The following PIK3IP1 variants were observed in gnomAD, a reference collection of about 807,000 sequenced individuals.
PIK3IP1 encodes phosphoinositide-3-kinase-interacting protein 1.
A neutral mutation model predicts 30.7 loss-of-function variants in PIK3IP1; 28 were observed. The observed-to-expected ratio is 0.91, with a 90% CI of 0.68 to 1.25. PIK3IP1 has a LOEUF of 1.25. Among genes scored for constraint, PIK3IP1 ranks in the 50% most tolerant of loss-of-function variants. The pLI, the probability that PIK3IP1 is intolerant of heterozygous loss-of-function variation, is 0.00. For synonymous variants in PIK3IP1, 159 were observed against 140.8 expected (o/e 1.13, Z -0.91); for missense variants, 333 against 346.2 (o/e 0.96, Z 0.30).
intron 5 of PIK3IP1, among the ~76,000 whole-genome samples, chr22:31,287,271 T>C (rs996007453): frequency 6.6e-6 from 1 of 150,960 alleles, no homozygotes; most frequent in Non-Finnish European, 1.5e-5. Context: ...CACCCACCTC[T>C]GCCTCCCAAA....
At position 31,282,036 on chromosome 22, in the gene PIK3IP1, A is replaced by G. The variant is rs979036605; in HGVS notation, c.*1048T>C. The G allele has an allele frequency of 1.3e-5, 2 of 152,288 alleles. No individual in the cohort carries two copies. Among genetic ancestry groups the G allele is most frequent in the Non-Finnish European group, 2.9e-5 (2 of 68,098 alleles). 9.4% of individuals were successfully genotyped at this position (152,288 alleles called of 1,614,324 possible). A position where few individuals can be genotyped will look rare whatever the true frequency, so the allele number is the denominator to read the frequency against. On this transcript the variant is annotated 3_prime_UTR_variant, in exon 6 of 6. Transcript: ENST00000215912. Reference sequence around the variant, plus strand: ...TTTCCTCTCTGGGGTCCTGTGTCCAAAAGGCTTAATGAGCCCTTTCTAATG... The same window carrying G: ...TTTCCTCTCTGGGGTCCTGTGTCCAGAAGGCTTAATGAGCCCTTTCTAATG...
rs538901047 is a variant in PIK3IP1 at position 31,289,884 on chromosome 22, G to T, written c.308-185C>A. On this transcript the variant is annotated intron_variant, in intron 3 of 5. Coordinates refer to ENST00000215912, the MANE Select transcript of PIK3IP1 (RefSeq NM_052880.5). ...CCTGAGAGGGCTGAACCATCTCAGG[G>T]ACAAGGCAAATGAGAGAGGAAGGCC... 10 of 570,550 alleles carry T rather than the reference G, an allele frequency of 1.8e-5. No homozygotes were observed. In the East Asian group the frequency reaches 3.0e-4, roughly 17 times the overall value. The allele number at this position is 570,550 out of a possible 1,614,324, so 35.3% of individuals were successfully genotyped here. A position where few individuals can be genotyped will look rare whatever the true frequency, so the allele number is the denominator to read the frequency against.
chr22:31,292,134 A>C, intron 1 of PIK3IP1, 141 bp downstream of exon 1: 6 of 733,140 alleles, frequency 8.2e-6, no homozygotes, highest in Non-Finnish European at 1.4e-5. Context: ...CAAGGAAAGG[A>C]GGGGTGGAAA....
chr22:31,289,675 G>A lies in PIK3IP1; in HGVS notation c.332C>T (p.Ala111Val). The A allele has an allele frequency of 6.4e-7, 1 of 1,552,978 alleles. No individual in the cohort carries two copies. The highest frequency in any genetic ancestry group is 8.7e-7 in the Non-Finnish European group (1 of 1,147,452). Reference sequence around the variant, plus strand: ...CGCTTCCTGGATTTCTGTCGTGAAGGCTGGCAGGGCCTGGGAGGTGGTCTC... The same window carrying A: ...CGCTTCCTGGATTTCTGTCGTGAAGACTGGCAGGGCCTGGGAGGTGGTCTC... ...CPETTSQALP[A>V]FTTEIQEASE... Residue 111 changes from alanine to valine, a missense_variant, in exon 4 of 6, where the codon GCC becomes GTC. By Grantham distance (64) the Ala-to-Val change is moderately conservative. Coordinates refer to ENST00000215912, the MANE Select transcript of PIK3IP1 (RefSeq NM_052880.5).
intron 5 of PIK3IP1, among the ~76,000 whole-genome samples, chr22:31,287,768 A>G (rs774600527): frequency 1.3e-5 from 2 of 152,178 alleles, no homozygotes; most frequent in African/African-American, 2.4e-5. Flanking sequence ...CCAGGGTCAC[A>G]GAGATAGCTA....
At chr22:31,289,900 GAGGAAGGCCGT>G (rs1470671261) in intron 3 of PIK3IP1, 1 of 527,250 alleles carries the variant, frequency 1.9e-6, no homozygotes, top group Non-Finnish European at 3.4e-6. Flanking sequence ...GCAAATGAGA[GAGGAAGGCCGT>G]AGGGAAGGGC....
intron 5 of PIK3IP1, among the ~76,000 whole-genome samples, chr22:31,283,767 C>T (rs551022269): frequency 2.0e-5 from 3 of 151,960 alleles, no homozygotes; most frequent in African/African-American, 7.2e-5. Flanking sequence ...GTTCTTTCAG[C>T]CCCAGAGACC....
Position 31,282,924 on chromosome 22 carries a change from C to CA in PIK3IP1, c.*159dup, listed in dbSNP as rs1198889763. On this transcript the variant is annotated 3_prime_UTR_variant, in exon 6 of 6. Coordinates refer to ENST00000215912, the MANE Select transcript of PIK3IP1 (RefSeq NM_052880.5). ...ACCCTACCCAGCCTTACCCTCAGCC[C>CA]ACAGGGCCACCTGCTTCTGTCACTC... 7 of 623,828 alleles carry CA rather than the reference C, an allele frequency of 1.1e-5. No homozygotes were observed. The highest frequency in any genetic ancestry group is 1.7e-5 in the Non-Finnish European group (6 of 357,464). 38.6% of individuals were successfully genotyped at this position (623,828 alleles called of 1,614,324 possible). A position where few individuals can be genotyped will look rare whatever the true frequency, so the allele number is the denominator to read the frequency against.
At chr22:31,289,940 G>T in intron 3 of PIK3IP1, 2 of 500,604 alleles carry the variant, frequency 4.0e-6, no homozygotes, top group Non-Finnish European at 7.2e-6. Context: ...TACCTCCCAC[G>T]TCTTTATCTG....
intron 5 of PIK3IP1, chr22:31,288,930 T>C (rs908611962): frequency 2.5e-6 from 1 of 403,728 alleles, no homozygotes; most frequent in African/African-American, 2.0e-5. Context: ...CTGCAATCAG[T>C]GTCAAGCCTG....
Position 31,289,571 on chromosome 22 carries a change from C to A in PIK3IP1, c.436G>T (p.Val146Leu), listed in dbSNP as rs1005544852. The A allele has an allele frequency of 1.9e-6, 3 of 1,558,622 alleles. No homozygotes were observed. Among genetic ancestry groups the A allele is most frequent in the African/African-American group, 2.7e-5 (2 of 74,258 alleles). ...ALPARSEAAAVQPVIGISQRV... is the reference protein window; with the variant it reads ...ALPARSEAAALQPVIGISQRV... ...TGGCTGATCCCAATCACTGGCTGCA[C>A]AGCTGCCGCCTCACTCCGAGCGGGC... is the stretch of plus-strand genomic sequence containing the variant. The change falls in exon 4 of 6, where the codon GTG (valine) becomes TTG (leucine). Residue 146 changes from valine to leucine, a missense_variant. Transcript: ENST00000215912.
At chr22:31,288,102 T>C (rs979269831) in intron 5 of PIK3IP1, among the ~76,000 whole-genome samples, 1 of 152,016 alleles carries the variant, frequency 6.6e-6, no homozygotes, top group African/African-American at 2.4e-5. Context: ...GCAGGCTGCA[T>C]GCCAGGCATG....
rs2049188155 is a variant in PIK3IP1, at chr22:31,292,431, C to T, written c.-87G>A. 3 of 1,123,568 alleles carry T rather than the reference C, an allele frequency of 2.7e-6. No homozygotes were observed. Among genetic ancestry groups the T allele is most frequent in the Non-Finnish European group, 4.1e-6 (3 of 736,028 alleles). The allele number at this position is 1,123,568 out of a possible 1,614,324, so 69.6% of individuals were successfully genotyped here. A position where few individuals can be genotyped will look rare whatever the true frequency, so the allele number is the denominator to read the frequency against. ...GGCGGCTCTGCCTCCCAGTCCCAGCCTTGCAGTCAGACCTGCCCTTGTTAT... is the reference window on the plus strand; with the variant it reads ...GGCGGCTCTGCCTCCCAGTCCCAGCTTTGCAGTCAGACCTGCCCTTGTTAT... On this transcript the variant is annotated 5_prime_UTR_variant, in exon 1 of 6. Coordinates refer to ENST00000215912, the MANE Select transcript of PIK3IP1 (RefSeq NM_052880.5).
intron 1 of PIK3IP1, among the ~76,000 whole-genome samples, chr22:31,291,503 T>A (rs1450374060): frequency 9.4e-6 from 1 of 106,782 alleles, no homozygotes; most frequent in Non-Finnish European, 1.9e-5. Context: ...CACCTCAGGG[T>A]GTGAAGCCCC....
rs986790723 is a variant in PIK3IP1 at position 31,288,579 on chromosome 22, A to G, written c.587+736T>C. 3.3e-5 allele frequency among the ~76,000 whole-genome samples: 5 copies of G among 152,362 alleles called. No individual in the cohort carries two copies. The East Asian group carries it at 7.7e-4, about 23-fold the overall frequency. ...CCAAGAATGGCAAATAATTTTCCAC[A>G]ATCAGCCAGTGCTGTAAAGATGAAT... On this transcript the variant is annotated intron_variant, in intron 5 of 5. Transcript: ENST00000215912.
chr22:31,291,457 C>G (rs1164518703), intron 1 of PIK3IP1, among the ~76,000 whole-genome samples, 161 bp from the exon 2 acceptor site: 1 of 119,598 alleles, frequency 8.4e-6, no homozygotes, highest in East Asian at 2.8e-4. Context: ...GCAACACCCC[C>G]ACGCCCCACG....
intron 1 of PIK3IP1, among the ~76,000 whole-genome samples, chr22:31,291,667 G>A (rs1039769858): frequency 6.6e-6 from 1 of 152,208 alleles, no homozygotes; most frequent in Non-Finnish European, 1.5e-5. Flanking sequence ...CCTGGCTTAG[G>A]GTCCCTTTGA....
In PIK3IP1 at chr22:31,283,117, G is replaced by T. The variant is rs145073446; in HGVS notation, c.759C>A (p.Pro253=). 4 of 1,611,466 alleles carry T rather than the reference G, an allele frequency of 2.5e-6. No homozygotes were observed. Among genetic ancestry groups the T allele is most frequent in the Middle Eastern group, 1.7e-4 (1 of 6,002 alleles). The change falls in exon 6 of 6, where the codon CCC becomes CCA. Residue 253 remains proline (P), a synonymous_variant. Transcript: ENST00000215912. ...TPVDPQEGTT[P]LMGQAGTPGA ...CAGGAGTCCCGGCCTGGCCCATAAGGGGGGTGGTGCCCTCCTGAGGGTCAA... is the reference window on the plus strand; with the variant it reads ...CAGGAGTCCCGGCCTGGCCCATAAGTGGGGTGGTGCCCTCCTGAGGGTCAA...
At chr22:31,283,668 C>A (rs532428861) in intron 5 of PIK3IP1, among the ~76,000 whole-genome samples, 1 of 151,474 alleles carries the variant, frequency 6.6e-6, no homozygotes, top group African/African-American at 2.4e-5. Flanking sequence ...TGGGCTCAAG[C>A]GATCCTCCCA....
Sources: gnomAD v4.1 joint callset for allele counts (sites outside exome capture counted in the v4.1 genomes callset) on GRCh38, gnomAD v4.1.1 for gene constraint, MANE v1.5 for transcripts, NCBI Gene and HGNC (gene_info 2026-07-23, HGNC 2026-07-21) for gene names.